HCRTR2: variants seen among roughly 807,000 people sequenced by gnomAD.
The protein encoded by HCRTR2 is orexin receptor type 2.
HCRTR2 carries 22 observed loss-of-function variants against 49.0 expected under a neutral mutation model. That is an observed-to-expected ratio of 0.45 (90% confidence interval 0.32 to 0.64). The LOEUF is 0.64. HCRTR2 is among the 30% of genes least tolerant of loss of function. HCRTR2 has a pLI of 0.04. For missense variants in HCRTR2, 491 were observed against 559.4 expected (o/e 0.88, Z 1.23); for synonymous variants, 236 against 205.3 (o/e 1.15, Z -1.28).
At chr6:55,211,576 A>T (rs1765697032) in intron 1 of HCRTR2, among the ~76,000 whole-genome samples, 1 of 152,192 alleles carries the variant, frequency 6.6e-6, no homozygotes, top group African/African-American at 2.4e-5. Flanking sequence ...GTGAGGACAC[A>T]TTCCAAATGC....
intron 1 of HCRTR2, among the ~76,000 whole-genome samples, chr6:55,248,227 G>C (rs1343690925): frequency 6.6e-6 from 1 of 152,026 alleles, no homozygotes; most frequent in East Asian, 1.9e-4. Flanking sequence ...AGAAGATATG[G>C]GTCAAGGTCA....
At chr6:55,258,837 G>T (rs1429019731) in intron 3 of HCRTR2, among the ~76,000 whole-genome samples, 1 of 152,108 alleles carries the variant, frequency 6.6e-6, no homozygotes, top group Non-Finnish European at 1.5e-5. Flanking sequence ...CGGATCATGA[G>T]GTCAGGAGTT....
intron 6 of HCRTR2, among the ~76,000 whole-genome samples, chr6:55,281,756 G>A (rs1767194932): frequency 6.6e-6 from 1 of 152,102 alleles, no homozygotes; most frequent in Admixed American, 6.6e-5. Context: ...ATATTTGAGT[G>A]TATGTTTCTA....
At chr6:55,167,627 G>A (rs1420480722) in intron 1 of HCRTR2, among the ~76,000 whole-genome samples, 1 of 152,106 alleles carries the variant, frequency 6.6e-6, no homozygotes, top group African/African-American at 2.4e-5. Context: ...ACTCTCATGT[G>A]CCCCTGGGAC....
At chr6:55,224,772 A>C (rs947623237) in intron 1 of HCRTR2, among the ~76,000 whole-genome samples, 1 of 152,230 alleles carries the variant, frequency 6.6e-6, no homozygotes, top group Admixed American at 6.5e-5. Context: ...ACAAATACTT[A>C]ATGATCTCGC....
chr6:55,183,073 G>A (rs1424543525), intron 1 of HCRTR2, among the ~76,000 whole-genome samples: 1 of 152,130 alleles, frequency 6.6e-6, no homozygotes, highest in African/African-American at 2.4e-5. Flanking sequence ...GCCAATTATT[G>A]TGCTTGGATT....
At position 55,247,645 on chromosome 6, in the gene HCRTR2, G is replaced by A. The variant is rs552975983; in HGVS notation, c.224-994G>A. 8.5e-5 allele frequency among the ~76,000 whole-genome samples: 13 copies of A among 152,196 alleles called. No individual in the cohort carries two copies. In the South Asian group the frequency reaches 1.0e-3, roughly 12 times the overall value. On this transcript the variant is annotated intron_variant, in intron 1 of 6. Transcript: ENST00000370862. ...ACACCTATATAATTCCAGAGCTAGT[G>A]ATTATGTAACTTTTATATACGTCAG... is the stretch of plus-strand genomic sequence containing the variant.
intron 1 of HCRTR2, among the ~76,000 whole-genome samples, chr6:55,175,192 G>A (rs1232287901): frequency 6.6e-6 from 1 of 152,054 alleles, no homozygotes; most frequent in African/African-American, 2.4e-5. Context: ...GGTGTTTCAG[G>A]GGGGTTGGGA....
intron 1 of HCRTR2, among the ~76,000 whole-genome samples, chr6:55,186,558 T>G (rs1211719292): frequency 6.6e-6 from 1 of 152,218 alleles, no homozygotes; most frequent in Non-Finnish European, 1.5e-5. Context: ...CTTTTTGTTC[T>G]TTTGTTTTCT....
chr6:55,262,331 T>TA (rs1766774315), intron 3 of HCRTR2, among the ~76,000 whole-genome samples: 1 of 142,472 alleles, frequency 7.0e-6, no homozygotes, highest in African/African-American at 2.6e-5. Context: ...ATATATTATA[T>TA]GTTATATATA....
At chr6:55,226,989 A>T (rs9367624) in intron 1 of HCRTR2, among the ~76,000 whole-genome samples, 2 of 151,820 alleles carry the variant, frequency 1.3e-5, no homozygotes, top group African/African-American at 4.8e-5. Context: ...CAAATTTAAC[A>T]CATCTATTTA....
chr6:55,106,996 C>T (rs1252928985), intron 1 of HCRTR2, among the ~76,000 whole-genome samples: 1 of 152,080 alleles, frequency 6.6e-6, no homozygotes, highest in Non-Finnish European at 1.5e-5. Flanking sequence ...GTGTGACTCT[C>T]CAAGGTGATT....
chr6:55,282,033 A>T (rs1490842511), intron 6 of HCRTR2, among the ~76,000 whole-genome samples, 192 bp from the exon 7 acceptor site: 1 of 152,120 alleles, frequency 6.6e-6, no homozygotes, highest in Admixed American at 6.6e-5. Flanking sequence ...ATTTTATGAA[A>T]ATATTCATTG....
At chr6:55,154,699 GATAA>G (rs143802042) in intron 1 of HCRTR2, among the ~76,000 whole-genome samples, 24,751 of 146,736 alleles carry the variant, frequency 0.17, 2,211 homozygotes, top group East Asian at 0.27. Flanking sequence ...TAAATAAATA[GATAA>G]ATAAATAAAT....
At chr6:55,191,111 G>A (rs1283356674) in intron 1 of HCRTR2, among the ~76,000 whole-genome samples, 2 of 152,188 alleles carry the variant, frequency 1.3e-5, no homozygotes, top group Non-Finnish European at 2.9e-5. Context: ...GGCAATGAAG[G>A]AAGGAGCAAA....
At chr6:55,186,506 C>T (rs749133281) in intron 1 of HCRTR2, among the ~76,000 whole-genome samples, 2 of 152,170 alleles carry the variant, frequency 1.3e-5, no homozygotes, top group African/African-American at 4.8e-5. Context: ...AATTATATTG[C>T]TCTTCTCAAG....
chr6:55,228,788 A>G (rs1766059333), intron 1 of HCRTR2, among the ~76,000 whole-genome samples: 1 of 152,194 alleles, frequency 6.6e-6, no homozygotes, highest in Non-Finnish European at 1.5e-5. Context: ...TTTTTCTAGA[A>G]CAATTGTTTT....
intron 1 of HCRTR2, 115 bp downstream of exon 1, chr6:55,174,925 C>G (rs1343494012): frequency 2.6e-6 from 2 of 763,944 alleles, no homozygotes; most frequent in Non-Finnish European, 4.6e-6. Context: ...GAGGTCGCTG[C>G]TCTCGGATGG....
chr6:55,281,978 G>A (rs1767199174), intron 6 of HCRTR2, among the ~76,000 whole-genome samples: 1 of 152,084 alleles, frequency 6.6e-6, no homozygotes, highest in Non-Finnish European at 1.5e-5. Flanking sequence ...GACTATAAAG[G>A]AATGAAGCAA....
Sources: gnomAD v4.1 joint callset for allele counts (sites outside exome capture counted in the v4.1 genomes callset) on GRCh38, gnomAD v4.1.1 for gene constraint, MANE v1.5 for transcripts, NCBI Gene and HGNC (gene_info 2026-07-23, HGNC 2026-07-21) for gene names.